OPCML: variants seen among roughly 807,000 people sequenced by gnomAD.
The protein encoded by OPCML is opioid-binding protein/cell adhesion molecule.
OPCML carries 13 observed loss-of-function variants against 37.8 expected under a neutral mutation model. The ratio of observed to expected loss-of-function variants is 0.34; its 90% CI spans 0.22 to 0.55. OPCML has a LOEUF of 0.55. OPCML is among the 20% of genes least tolerant of loss of function. The pLI, the probability that OPCML is intolerant of heterozygous loss-of-function variation, is 0.91. For missense variants in OPCML, 341 were observed against 435.6 expected, an observed-to-expected ratio of 0.78 and a Z score of 1.93; for synonymous variants, 176 against 168.8, an observed-to-expected ratio of 1.04 and a Z score of -0.33.
At chr11:133,475,863 C>T (rs1418649555) in intron 1 of OPCML, among the ~76,000 whole-genome samples, 1 of 150,996 alleles carries the variant, frequency 6.6e-6, no homozygotes, top group Non-Finnish European at 1.5e-5. Flanking sequence ...TGCTTTCAGC[C>T]AAGATACTGA....
intron 1 of OPCML, among the ~76,000 whole-genome samples, chr11:132,978,702 C>T (rs1946517830): frequency 1.3e-5 from 2 of 152,056 alleles, no homozygotes; most frequent in African/African-American, 4.8e-5. Context: ...CTCCATGTTC[C>T]CCCTTGGAGA....
At position 133,014,391 on chromosome 11, in the gene OPCML, A is replaced by C. The variant is rs112905247; in HGVS notation, c.62-71381T>G. On this transcript the variant is annotated intron_variant, in intron 1 of 7. Transcript: ENST00000524381. ...ACTAAGAACCTATGGGGATTGAAGA[A>C]AAAAATTATTGTTCTCCCCTACGGT... Among the ~76,000 whole-genome samples, 1,168 of 152,192 alleles carry C rather than the reference A, an allele frequency of 7.7e-3. 8 individuals are homozygous for C. Among genetic ancestry groups the C allele is most frequent in the Non-Finnish European group, 0.013 (903 of 68,008 alleles).
At chr11:132,923,709 C>G (rs1441633000) in intron 2 of OPCML, among the ~76,000 whole-genome samples, 2 of 144,034 alleles carry the variant, frequency 1.4e-5, no homozygotes, top group East Asian at 3.9e-4. Flanking sequence ...CTCTGTCAAA[C>G]AGACATTATT....
chr11:132,421,998 A>G (rs1442883989), intron 7 of OPCML, among the ~76,000 whole-genome samples: 1 of 152,150 alleles, frequency 6.6e-6, no homozygotes, highest in East Asian at 1.9e-4. Context: ...AAAGAAACAT[A>G]TGGGCAGATT....
intron 1 of OPCML, among the ~76,000 whole-genome samples, chr11:133,417,183 G>A (rs1248729193): frequency 6.6e-6 from 1 of 152,128 alleles, no homozygotes; most frequent in Non-Finnish European, 1.5e-5. Context: ...CCTGAGTTCT[G>A]TGAGCCACCC....
intron 3 of OPCML, among the ~76,000 whole-genome samples, chr11:132,540,575 T>C (rs952201617): frequency 6.6e-6 from 1 of 152,158 alleles, no homozygotes; most frequent in African/African-American, 2.4e-5. Context: ...CCTGGTGTGA[T>C]ATGGTTTTAT....
chr11:132,482,504 G>T (rs1378210329), intron 4 of OPCML, among the ~76,000 whole-genome samples: 1 of 152,106 alleles, frequency 6.6e-6, no homozygotes, highest in East Asian at 1.9e-4. Context: ...AGGAGGAACT[G>T]GTACCATTCC....
At chr11:133,457,168 GC>G (rs1461449285) in intron 1 of OPCML, among the ~76,000 whole-genome samples, 4 of 152,074 alleles carry the variant, frequency 2.6e-5, no homozygotes, top group Admixed American at 1.3e-4. Flanking sequence ...GGATTTCTCA[GC>G]AAAAAAACTT....
At chr11:132,935,713 C>T (rs763703171) in intron 2 of OPCML, among the ~76,000 whole-genome samples, 8 of 152,138 alleles carry the variant, frequency 5.3e-5, no homozygotes, top group Non-Finnish European at 1.0e-4. Flanking sequence ...GCAAGGCCTG[C>T]GCTCTCTGTG....
chr11:132,915,840 G>A (rs1944585604), intron 2 of OPCML, among the ~76,000 whole-genome samples: 1 of 151,988 alleles, frequency 6.6e-6, no homozygotes, highest in South Asian at 2.1e-4. Context: ...GGTGATATGT[G>A]ACTGTTCTTT....
intron 2 of OPCML, among the ~76,000 whole-genome samples, chr11:132,843,159 A>G (rs777314444): frequency 6.7e-6 from 1 of 148,868 alleles, no homozygotes; most frequent in East Asian, 2.0e-4. Context: ...CAATGGCACA[A>G]TCTAGGCTCA....
chr11:132,526,662 T>G (rs921222518), intron 4 of OPCML, among the ~76,000 whole-genome samples: 2 of 152,292 alleles, frequency 1.3e-5, no homozygotes, highest in African/African-American at 4.8e-5. Flanking sequence ...ATAAGTGCAA[T>G]GACATAAATA....
At chr11:132,441,800 G>T (rs186070391) in intron 4 of OPCML, among the ~76,000 whole-genome samples, 1 of 152,220 alleles carries the variant, frequency 6.6e-6, no homozygotes. Context: ...CCGGGGATGT[G>T]GGGGTTGTTG....
At chr11:132,753,980 A>G (rs1340476972) in intron 2 of OPCML, among the ~76,000 whole-genome samples, 2 of 152,188 alleles carry the variant, frequency 1.3e-5, no homozygotes, top group Non-Finnish European at 2.9e-5. Context: ...TGGAAAGAAG[A>G]CCTAGTCAGA....
chr11:132,507,309 T>C (rs980135280), intron 4 of OPCML, among the ~76,000 whole-genome samples: 2 of 152,054 alleles, frequency 1.3e-5, no homozygotes, highest in African/African-American at 4.8e-5. Flanking sequence ...AATATGGCTA[T>C]GCACAATCTG....
At chr11:133,001,213 T>G (rs2136846848) in intron 1 of OPCML, among the ~76,000 whole-genome samples, 1 of 152,316 alleles carries the variant, frequency 6.6e-6, no homozygotes, top group South Asian at 2.1e-4. Context: ...AACTAATTAG[T>G]ATGGTGTCAA....
At chr11:133,103,595 G>A (rs1949116723) in intron 1 of OPCML, among the ~76,000 whole-genome samples, 1 of 152,216 alleles carries the variant, frequency 6.6e-6, no homozygotes, top group Non-Finnish European at 1.5e-5. Context: ...TAATTTTGCA[G>A]TAGACATTTT....
intron 2 of OPCML, among the ~76,000 whole-genome samples, chr11:132,692,612 A>G (rs1192335507): frequency 6.6e-6 from 1 of 152,198 alleles, no homozygotes; most frequent in Admixed American, 6.5e-5. Flanking sequence ...AATAAACCAC[A>G]GAAACATTTT....
At chr11:132,590,590 CG>C (rs1392780454) in intron 3 of OPCML, among the ~76,000 whole-genome samples, 4 of 152,172 alleles carry the variant, frequency 2.6e-5, no homozygotes, top group African/African-American at 7.2e-5. Flanking sequence ...GTAAAATTCA[CG>C]TTTTACAGAT....
Sources: allele counts gnomAD v4.1 joint callset (sites outside exome capture counted in the v4.1 genomes callset), GRCh38; gene constraint gnomAD v4.1.1; transcripts MANE v1.5; gene names NCBI Gene and HGNC (gene_info 2026-07-23, HGNC 2026-07-21).